OCA2: variants seen among roughly 807,000 people sequenced by gnomAD.
OCA2 encodes the protein P protein.
OCA2 carries 77 observed loss-of-function variants against 100.2 expected under a neutral mutation model. The ratio of observed to expected loss-of-function variants is 0.77; its 90% CI spans 0.64 to 0.93. OCA2 has a LOEUF of 0.93. Ranked by LOEUF, OCA2 falls within the 40% of genes least tolerant of loss-of-function variation. OCA2 has a pLI of 0.00. For missense variants in OCA2, 1,062 were observed against 1,089.1 expected, an observed-to-expected ratio of 0.98 and a Z score of 0.35; for synonymous variants, 432 against 439.2, an observed-to-expected ratio of 0.98 and a Z score of 0.21.
chr15:27,813,703 A>G (rs569022899), intron 23 of OCA2, among the ~76,000 whole-genome samples: 1 of 152,308 alleles, frequency 6.6e-6, no homozygotes, highest in Admixed American at 6.5e-5. Flanking sequence ...TTCATGATTT[A>G]GATGAAAGAG....
intron 2 of OCA2, among the ~76,000 whole-genome samples, chr15:28,032,808 AAC>A (rs1467335634): frequency 9.9e-5 from 15 of 151,546 alleles, no homozygotes; most frequent in Non-Finnish European, 1.9e-4. Context: ...AAAAAAAAAA[AAC>A]AAAACAAAAA....
At chr15:27,722,832 T>G in the OCA2 span, among the ~76,000 whole-genome samples, 3 of 125,896 alleles carry the variant, frequency 2.4e-5, no homozygotes, top group Non-Finnish European at 5.3e-5. Flanking sequence ...CTCTCTCTCT[T>G]TCTCTCTTTC....
chr15:27,719,746 G>A, the OCA2 span, among the ~76,000 whole-genome samples: 4 of 152,242 alleles, frequency 2.6e-5, no homozygotes, highest in South Asian at 8.3e-4. Flanking sequence ...TAGGATAAGA[G>A]GTTTATTTTG....
intron 15 of OCA2, among the ~76,000 whole-genome samples, chr15:27,961,566 C>G (rs1290020075): frequency 2.0e-5 from 3 of 152,168 alleles, no homozygotes; most frequent in African/African-American, 7.2e-5. Flanking sequence ...CCATCAATGA[C>G]AGACTGGATA....
intron 23 of OCA2, among the ~76,000 whole-genome samples, chr15:27,778,933 T>G (rs997047693): frequency 3.3e-5 from 5 of 152,248 alleles, no homozygotes; most frequent in Admixed American, 6.5e-5. Context: ...ATATGCCTCT[T>G]TTGAAATTTT....
the OCA2 span, among the ~76,000 whole-genome samples, chr15:27,748,509 C>T: frequency 6.6e-6 from 1 of 152,148 alleles, no homozygotes; most frequent in Non-Finnish European, 1.5e-5. Context: ...ATTGGAGCCG[C>T]AGTGCACAAA....
chr15:27,829,301 A>ATAGT (rs1555412970), intron 23 of OCA2, among the ~76,000 whole-genome samples: 216 of 151,176 alleles, frequency 1.4e-3, no homozygotes, highest in African/African-American at 4.1e-3. Flanking sequence ...AGATAGATAG[A>ATAGT]TAGATAGATA....
chr15:27,816,536 T>G (rs906984809), intron 23 of OCA2, among the ~76,000 whole-genome samples: 11 of 152,244 alleles, frequency 7.2e-5, no homozygotes, highest in South Asian at 2.1e-4. Flanking sequence ...TCCCCGACAG[T>G]GAAGAACCTC....
intron 23 of OCA2, among the ~76,000 whole-genome samples, chr15:27,832,307 C>T (rs2034993189): frequency 6.6e-6 from 1 of 152,202 alleles, no homozygotes; most frequent in Non-Finnish European, 1.5e-5. Context: ...GCCACTCGGT[C>T]CTCCTCTAAC....
In OCA2 at chr15:27,794,290, A is replaced by G. The variant is rs112494306; in HGVS notation, c.2433-38818T>C. ...GTGGCTAAGCGCAGATGGCTACAGG[A>G]TGTGGCTCATTGTCCCACAAGCAAG... is the stretch of plus-strand genomic sequence containing the variant. On this transcript the variant is annotated intron_variant, in intron 23 of 23. Transcript: ENST00000354638. Among the ~76,000 whole-genome samples, 934 of 152,188 alleles carry G rather than the reference A, an allele frequency of 6.1e-3. 17 individuals are homozygous for G. The highest frequency in any genetic ancestry group is 0.021 in the African/African-American group (870 of 41,534).
chr15:27,948,258 C>A (rs2039911236), intron 18 of OCA2, among the ~76,000 whole-genome samples: 1 of 152,100 alleles, frequency 6.6e-6, no homozygotes, highest in South Asian at 2.1e-4. Flanking sequence ...GCTGGAACTC[C>A]CATACATGCT....
intron 23 of OCA2, among the ~76,000 whole-genome samples, chr15:27,825,520 C>T (rs1024375594): frequency 7.9e-5 from 12 of 151,900 alleles, no homozygotes; most frequent in South Asian, 2.1e-4. Context: ...CCAGCCTGGG[C>T]GCCTGGGCCA....
intron 19 of OCA2, among the ~76,000 whole-genome samples, chr15:27,918,394 A>C (rs1050206511): frequency 6.6e-6 from 1 of 152,134 alleles, no homozygotes; most frequent in African/African-American, 2.4e-5. Context: ...AGAAGATATA[A>C]GTAATTATGA....
intron 1 of OCA2, among the ~76,000 whole-genome samples, chr15:28,098,804 G>T (rs534128001): frequency 1.3e-5 from 2 of 152,382 alleles, no homozygotes; most frequent in South Asian, 4.1e-4. Flanking sequence ...AGCTTTGAGG[G>T]ATTTAGTGTT....
intron 23 of OCA2, among the ~76,000 whole-genome samples, chr15:27,829,361 CAG>C (rs1366288421): frequency 6.6e-6 from 1 of 151,578 alleles, no homozygotes; most frequent in African/African-American, 2.4e-5. Context: ...TGCAAGGACA[CAG>C]AGCATACACC....
intron 18 of OCA2, among the ~76,000 whole-genome samples, chr15:27,940,043 T>C (rs1471768818): frequency 1.3e-5 from 2 of 152,164 alleles, no homozygotes; most frequent in African/African-American, 4.8e-5. Flanking sequence ...CAGCTCTTCT[T>C]GGACATCACA....
intron 5 of OCA2, among the ~76,000 whole-genome samples, chr15:28,024,149 C>A (rs895924348): frequency 1.3e-4 from 20 of 152,198 alleles, no homozygotes; most frequent in African/African-American, 4.1e-4. Flanking sequence ...TGGCTCCCTG[C>A]TCGGGCTCCT....
At position 28,016,103 on chromosome 15, in the gene OCA2, C is replaced by A; in HGVS notation, c.890+1G>T. 1 of 1,613,484 alleles carries A rather than the reference C, an allele frequency of 6.2e-7. No individual in the cohort carries two copies. Among genetic ancestry groups the A allele is most frequent in the Admixed American group, 1.7e-5 (1 of 60,024 alleles). Reference sequence around the variant, plus strand: ...CAACACCTCACTCACTGAGAACTCACCTGGTCAGTACCTCAAAGGTCCTGC... The same window carrying A: ...CAACACCTCACTCACTGAGAACTCAACTGGTCAGTACCTCAAAGGTCCTGC... On this transcript the variant is annotated splice_donor_variant, in intron 8 of 23. Transcript: ENST00000354638. LOFTEE classifies it high-confidence loss of function.
intron 23 of OCA2, among the ~76,000 whole-genome samples, chr15:27,814,383 C>T (rs1595454931): frequency 6.6e-6 from 1 of 152,252 alleles, no homozygotes; most frequent in East Asian, 1.9e-4. Context: ...TGTCCATTGA[C>T]AAAAGACTGA....
Sources: allele counts gnomAD v4.1 joint callset (sites outside exome capture counted in the v4.1 genomes callset), GRCh38; gene constraint gnomAD v4.1.1; transcripts MANE v1.5; gene names NCBI Gene and HGNC (gene_info 2026-07-23, HGNC 2026-07-21).